The following KIAA1328 variants were observed in gnomAD, a reference collection of about 807,000 sequenced individuals.
KIAA1328 encodes the protein KIAA1328.
Under a neutral mutation model 68.1 loss-of-function variants are expected in KIAA1328, and 52 were observed. That is an observed-to-expected ratio of 0.76 (90% CI 0.61 to 0.96). The LOEUF (loss-of-function observed/expected upper bound fraction) is 0.96, where lower values mean the gene tolerates loss of function less well. Among genes scored for constraint, KIAA1328 ranks in the 40% least tolerant of loss-of-function variants. KIAA1328 has a pLI of 0.00. For missense variants in KIAA1328, 641 were observed against 677.6 expected (o/e 0.95, Z 0.60); for synonymous variants, 232 against 239.4 (o/e 0.97, Z 0.28).
At chr18:36,904,489 C>T (rs966511523) in intron 5 of KIAA1328, among the ~76,000 whole-genome samples, 4 of 151,934 alleles carry the variant, frequency 2.6e-5, no homozygotes, top group African/African-American at 4.8e-5. Flanking sequence ...TTGTTTATTC[C>T]TGGTAATATT....
At chr18:37,003,348 A>C (rs955520119) in intron 6 of KIAA1328, among the ~76,000 whole-genome samples, 2 of 152,142 alleles carry the variant, frequency 1.3e-5, no homozygotes, top group African/African-American at 4.8e-5. Context: ...AATAGGACTT[A>C]AACTAAAAAC....
In KIAA1328 at chr18:37,022,206, A is replaced by T. The variant is rs577460608; in HGVS notation, c.577-44684A>T. Among the ~76,000 whole-genome samples the T allele has an allele frequency of 1.8e-3, 272 of 152,290 alleles. 1 individual carries two copies. Among genetic ancestry groups the T allele is most frequent in the African/African-American group, 6.1e-3 (254 of 41,556 alleles). Reference sequence around the variant, plus strand: ...GCAGACCGGCTGTTAACGCTCAGGAACATAAGAATTGTCCATTTCTCTTTT... The same window carrying T: ...GCAGACCGGCTGTTAACGCTCAGGATCATAAGAATTGTCCATTTCTCTTTT... On this transcript the variant is annotated intron_variant, in intron 6 of 9. Coordinates refer to ENST00000280020, the MANE Select transcript of KIAA1328 (RefSeq NM_020776.3).
intron 9 of KIAA1328, among the ~76,000 whole-genome samples, chr18:37,178,083 C>T (rs1330110183): frequency 6.6e-6 from 1 of 151,984 alleles, no homozygotes; most frequent in African/African-American, 2.4e-5. Flanking sequence ...ATTACTTTTG[C>T]ACCAACCTAA....
chr18:36,948,040 G>A (rs2050973129), intron 5 of KIAA1328, among the ~76,000 whole-genome samples: 1 of 152,020 alleles, frequency 6.6e-6, no homozygotes, highest in South Asian at 2.1e-4. Context: ...GCCTGAACTT[G>A]TTTTTCAGGT....
chr18:36,900,753 C>T (rs1013176272), intron 5 of KIAA1328, among the ~76,000 whole-genome samples: 12 of 151,940 alleles, frequency 7.9e-5, no homozygotes, highest in African/African-American at 2.7e-4. Context: ...GTCCCTATTT[C>T]ACATCCACTT....
intron 4 of KIAA1328, among the ~76,000 whole-genome samples, chr18:36,855,333 T>C (rs536945467): frequency 6.6e-6 from 1 of 152,324 alleles, no homozygotes; most frequent in South Asian, 2.1e-4. Flanking sequence ...TTTCCACTTA[T>C]TATATTATAG....
At chr18:36,836,584 A>G (rs914881515) in intron 3 of KIAA1328, among the ~76,000 whole-genome samples, 5 of 152,150 alleles carry the variant, frequency 3.3e-5, no homozygotes, top group African/African-American at 1.2e-4. Context: ...CCCAAAATAC[A>G]TATTACATTT....
At chr18:36,842,386 A>G (rs1309334648) in intron 3 of KIAA1328, among the ~76,000 whole-genome samples, 1 of 152,126 alleles carries the variant, frequency 6.6e-6, no homozygotes, top group Non-Finnish European at 1.5e-5. Context: ...ACAGGAAGGA[A>G]GTAGCCTTCC....
intron 8 of KIAA1328, among the ~76,000 whole-genome samples, chr18:37,171,945 C>T (rs1261896931): frequency 2.0e-5 from 3 of 152,102 alleles, no homozygotes; most frequent in Admixed American, 1.3e-4. Context: ...GAATAGTTGA[C>T]ATAAAGAGTA....
At chr18:36,842,674 ATTT>A (rs112634490) in intron 3 of KIAA1328, among the ~76,000 whole-genome samples, 2 of 142,514 alleles carry the variant, frequency 1.4e-5, no homozygotes, top group Non-Finnish European at 3.1e-5. Context: ...CTAATTATTT[ATTT>A]TTTTTTTTTT....
At chr18:36,943,361 G>A (rs2050779619) in intron 5 of KIAA1328, among the ~76,000 whole-genome samples, 1 of 152,114 alleles carries the variant, frequency 6.6e-6, no homozygotes, top group African/African-American at 2.4e-5. Context: ...ACCTGCTGAT[G>A]CCCAAGTGGT....
chr18:37,197,128 G>C (rs2060018693), intron 9 of KIAA1328, among the ~76,000 whole-genome samples: 1 of 151,876 alleles, frequency 6.6e-6, no homozygotes, highest in Non-Finnish European at 1.5e-5. Context: ...TCAGTTGTCT[G>C]TTTGGTTTTT....
chr18:37,065,827 A>G (rs1322147449), intron 6 of KIAA1328, among the ~76,000 whole-genome samples: 2 of 152,252 alleles, frequency 1.3e-5, no homozygotes, highest in Non-Finnish European at 2.9e-5. Flanking sequence ...GAATCTAGAT[A>G]CACCATGTTT....
chr18:36,882,427 T>C (rs567116165), intron 4 of KIAA1328, among the ~76,000 whole-genome samples: 89 of 152,320 alleles, frequency 5.8e-4, no homozygotes, highest in African/African-American at 2.1e-3. Flanking sequence ...TGAGGTTGCT[T>C]TATTGGCAGG....
intron 6 of KIAA1328, among the ~76,000 whole-genome samples, chr18:36,995,927 C>T (rs1228040447): frequency 6.6e-6 from 1 of 152,190 alleles, no homozygotes; most frequent in Non-Finnish European, 1.5e-5. Context: ...TCCTTATTGT[C>T]TGGGGAGAAG....
intron 7 of KIAA1328, among the ~76,000 whole-genome samples, chr18:37,129,193 A>G (rs936176202): frequency 2.0e-5 from 3 of 152,178 alleles, no homozygotes; most frequent in Non-Finnish European, 1.5e-5. Context: ...AACCCTAAAG[A>G]TGAATCTGCT....
intron 7 of KIAA1328, among the ~76,000 whole-genome samples, chr18:37,090,590 T>C (rs1386109545): frequency 1.3e-5 from 2 of 152,156 alleles, no homozygotes; most frequent in Non-Finnish European, 2.9e-5. Context: ...ATGAAATAAT[T>C]AAGGACTGCT....
At chr18:37,214,840 G>A (rs2060394542) in intron 9 of KIAA1328, among the ~76,000 whole-genome samples, 1 of 152,180 alleles carries the variant, frequency 6.6e-6, no homozygotes, top group Non-Finnish European at 1.5e-5. Context: ...GCAGTGGTTT[G>A]TAGTTCTCCT....
At chr18:37,028,120 T>G (rs1486589145) in intron 6 of KIAA1328, among the ~76,000 whole-genome samples, 2 of 152,210 alleles carry the variant, frequency 1.3e-5, no homozygotes, top group Non-Finnish European at 2.9e-5. Flanking sequence ...CCATGTGTTC[T>G]CAATGTTAGC....
Sources: gnomAD v4.1 joint callset for allele counts (sites outside exome capture counted in the v4.1 genomes callset) on GRCh38, gnomAD v4.1.1 for gene constraint, MANE v1.5 for transcripts, NCBI Gene and HGNC (gene_info 2026-07-23, HGNC 2026-07-21) for gene names.